The following ZMYND11 variants were observed in gnomAD, a reference collection of about 807,000 sequenced individuals.
ZMYND11 encodes the protein zinc finger MYND domain-containing protein 11.
In ZMYND11, 9 loss-of-function variants were observed where a neutral mutation model predicts 84.9. The observed-to-expected ratio is 0.11, with a 90% confidence interval of 0.06 to 0.18. The LOEUF (loss-of-function observed/expected upper bound fraction) is 0.18. Among genes scored for constraint, ZMYND11 ranks in the 10% least tolerant of loss-of-function variants. The pLI is 1.00. For missense variants in ZMYND11, 409 were observed against 761.0 expected (o/e 0.54, Z 5.44); for synonymous variants, 250 against 244.1 (o/e 1.02, Z -0.23).
At chr10:186,212 T>C (rs896760937) in intron 2 of ZMYND11, among the ~76,000 whole-genome samples, 1 of 151,646 alleles carries the variant, frequency 6.6e-6, no homozygotes, top group Non-Finnish European at 1.5e-5. Flanking sequence ...GGGGTTTCAC[T>C]GTGTTAGCCG....
intron 1 of ZMYND11, among the ~76,000 whole-genome samples, chr10:151,420 A>C (rs1840338682): frequency 6.6e-6 from 1 of 152,240 alleles, no homozygotes; most frequent in South Asian, 2.1e-4. Flanking sequence ...TGACGAATGC[A>C]CAAGCTTCAG....
At chr10:146,617 T>A (rs1838920339) in intron 1 of ZMYND11, among the ~76,000 whole-genome samples, 1 of 152,200 alleles carries the variant, frequency 6.6e-6, no homozygotes, top group South Asian at 2.1e-4. Flanking sequence ...GTTTTGTTGT[T>A]GTGTTGTTTT....
chr10:220,984 A>C (rs1218611509), intron 3 of ZMYND11, among the ~76,000 whole-genome samples: 1 of 152,212 alleles, frequency 6.6e-6, no homozygotes, highest in African/African-American at 2.4e-5. Context: ...CATTATCTTA[A>C]GATATTTCTG....
At chr10:228,419 GA>G (rs1202852711) in intron 4 of ZMYND11, among the ~76,000 whole-genome samples, 3 of 152,168 alleles carry the variant, frequency 2.0e-5, no homozygotes, top group Admixed American at 1.3e-4. Flanking sequence ...CCTATATCAG[GA>G]TGCTTACAAC....
At chr10:218,266 T>G (rs142245902) in intron 3 of ZMYND11, among the ~76,000 whole-genome samples, 1 of 152,236 alleles carries the variant, frequency 6.6e-6, no homozygotes, top group East Asian at 1.9e-4. Context: ...GTTTGCATGC[T>G]TCTGTCTTTT....
At chr10:186,508 G>A (rs939028178) in intron 2 of ZMYND11, among the ~76,000 whole-genome samples, 2 of 151,778 alleles carry the variant, frequency 1.3e-5, no homozygotes, top group Non-Finnish European at 2.9e-5. Flanking sequence ...AGGCATGGTG[G>A]CGCACGCCTG....
At chr10:159,796 CTT>C (rs1430952436) in intron 1 of ZMYND11, among the ~76,000 whole-genome samples, 2 of 152,034 alleles carry the variant, frequency 1.3e-5, no homozygotes, top group Admixed American at 6.6e-5. Flanking sequence ...TGTTTCTACT[CTT>C]TGGTTTTAAA....
At chr10:210,439 A>G (rs1418339871) in intron 3 of ZMYND11, among the ~76,000 whole-genome samples, 5 of 152,212 alleles carry the variant, frequency 3.3e-5, no homozygotes, top group Non-Finnish European at 7.4e-5. Flanking sequence ...AAACAGCCTC[A>G]GTTCAGGTAG....
At chr10:172,343 A>G (rs868926716) in intron 1 of ZMYND11, among the ~76,000 whole-genome samples, 10 of 152,364 alleles carry the variant, frequency 6.6e-5, no homozygotes, top group African/African-American at 1.9e-4. Context: ...ATGATCATTT[A>G]TATAGCAAAT....
Position 240,115 on chromosome 10 carries a change from C to T in ZMYND11, c.753+4C>T. On this transcript the variant is annotated splice_donor_region_variant and intron_variant, in intron 8 of 14. Transcript: ENST00000381604. Reference sequence around the variant, plus strand: ...ATATAAAGACACATGTCATGAGGTACTATTCATTGCCCAATAGTTATACTC... The same window carrying T: ...ATATAAAGACACATGTCATGAGGTATTATTCATTGCCCAATAGTTATACTC... 6.2e-7 allele frequency: 1 copy of T among 1,603,894 alleles called. No individual in the cohort carries two copies. Among genetic ancestry groups the T allele is most frequent in the Non-Finnish European group, 8.5e-7 (1 of 1,173,730 alleles).
Position 205,702 on chromosome 10 carries a change from T to TA in ZMYND11, c.117-4178dup, listed in dbSNP as rs946388721. On this transcript the variant is annotated intron_variant, in intron 2 of 14. Coordinates refer to ENST00000381604, the MANE Select transcript of ZMYND11 (RefSeq NM_001370100.5). ...GAGACCCTGTACAAAAAATAAAAAA[T>TA]AAAAAAAAAGGAGTTCCTGGATTCT... Among the ~76,000 whole-genome samples, 257 of 148,556 alleles carry TA rather than the reference T, an allele frequency of 1.7e-3. 1 individual carries two copies. The highest frequency in any genetic ancestry group is 6.0e-3 in the African/African-American group (243 of 40,658).
intron 3 of ZMYND11, among the ~76,000 whole-genome samples, chr10:217,694 G>A (rs979963375): frequency 6.6e-6 from 1 of 152,032 alleles, no homozygotes; most frequent in African/African-American, 2.4e-5. Flanking sequence ...TGCTCACATT[G>A]TGCCAGGCAC....
At chr10:164,614 C>G (rs1162991478) in intron 1 of ZMYND11, among the ~76,000 whole-genome samples, 1 of 152,166 alleles carries the variant, frequency 6.6e-6, no homozygotes, top group African/African-American at 2.4e-5. Context: ...GGTATAAATC[C>G]CGTTTACTCA....
chr10:161,345 A>C (rs1842911102), intron 1 of ZMYND11, among the ~76,000 whole-genome samples: 1 of 150,208 alleles, frequency 6.7e-6, no homozygotes, highest in African/African-American at 2.5e-5. Context: ...ACATGCTGTC[A>C]TGTAGGCTTT....
intron 1 of ZMYND11, among the ~76,000 whole-genome samples, chr10:141,448 G>C (rs1837480399): frequency 6.6e-6 from 1 of 152,174 alleles, no homozygotes; most frequent in Non-Finnish European, 1.5e-5. Context: ...GCTACAGTGA[G>C]CTAAATCAGC....
chr10:147,639 T>C (rs1554755735), intron 1 of ZMYND11, among the ~76,000 whole-genome samples: 1 of 150,136 alleles, frequency 6.7e-6, no homozygotes, highest in Non-Finnish European at 1.5e-5. Context: ...AAGAGGATAA[T>C]TAAAATAACC....
At chr10:206,086 G>A (rs1047459670) in intron 2 of ZMYND11, among the ~76,000 whole-genome samples, 6 of 151,570 alleles carry the variant, frequency 4.0e-5, no homozygotes, top group South Asian at 2.1e-4. Context: ...CAGGCCGGGC[G>A]CGGTGGCTCA....
chr10:199,534 G>T (rs1351012829), intron 2 of ZMYND11, among the ~76,000 whole-genome samples: 1 of 151,962 alleles, frequency 6.6e-6, no homozygotes, highest in African/African-American at 2.4e-5. Flanking sequence ...GGCTTAAGCG[G>T]TCCTCCTGTG....
upstream of ZMYND11, among the ~76,000 whole-genome samples, chr10:130,255 A>C (rs1554749788): frequency 6.6e-6 from 1 of 152,176 alleles, no homozygotes; most frequent in African/African-American, 2.4e-5. Flanking sequence ...CCAGGAGGAA[A>C]TCCCCAGGAT....
Sources: gnomAD v4.1 joint callset for allele counts (sites outside exome capture counted in the v4.1 genomes callset) on GRCh38, gnomAD v4.1.1 for gene constraint, MANE v1.5 for transcripts, NCBI Gene and HGNC (gene_info 2026-07-23, HGNC 2026-07-21) for gene names.